UACA: variants seen among roughly 807,000 people sequenced by gnomAD.
UACA encodes nuclear membrane binding protein.
UACA carries 112 observed loss-of-function variants against 160.5 expected under a neutral mutation model. The ratio of observed to expected loss-of-function variants is 0.70; its 90% CI spans 0.60 to 0.82. The LOEUF (loss-of-function observed/expected upper bound fraction) is 0.82. Among genes scored for constraint, UACA ranks in the 40% least tolerant of loss-of-function variants. The pLI is 0.00. For missense variants in UACA, 1,574 were observed against 1,614.6 expected, an observed-to-expected ratio of 0.97 and a Z score of 0.43; for synonymous variants, 557 against 568.4, an observed-to-expected ratio of 0.98 and a Z score of 0.29.
intron 17 of UACA, chr15:70,660,564 T>TA: frequency 5.2e-6 from 1 of 193,618 alleles, no homozygotes; most frequent in Non-Finnish European, 1.0e-5. Flanking sequence ...CTATATTCCT[T>TA]ACCATGCCTC....
At chr15:70,749,533 A>G (rs941361683) in intron 1 of UACA, among the ~76,000 whole-genome samples, 1 of 151,192 alleles carries the variant, frequency 6.6e-6, no homozygotes, top group African/African-American at 2.4e-5. Flanking sequence ...TCAAAAAAAA[A>G]AAACAAAAAC....
In UACA at chr15:70,707,950, T is replaced by C. The variant is rs531001403; in HGVS notation, c.79-8290A>G. ...ATATCCAAATGAGTTGAAAGCAGGG[T>C]CTCCTAGAGATATCTGCATATCCAT... On this transcript the variant is annotated intron_variant, in intron 1 of 18. Coordinates refer to ENST00000322954, the MANE Select transcript of UACA (RefSeq NM_018003.4). Among the ~76,000 whole-genome samples the C allele has an allele frequency of 3.9e-5, 6 of 152,194 alleles. No homozygotes were observed. In the South Asian group the frequency reaches 1.2e-3, roughly 32 times the overall value.
At chr15:70,693,789 C>G (rs955464161) in intron 3 of UACA, among the ~76,000 whole-genome samples, 2 of 151,990 alleles carry the variant, frequency 1.3e-5, no homozygotes, top group East Asian at 3.9e-4. Context: ...GGGATCCACA[C>G]AATAAATAGT....
chr15:70,678,232 C>T (rs748403100), intron 10 of UACA, 26 bp from the exon 11 acceptor site: 3 of 1,551,426 alleles, frequency 1.9e-6, no homozygotes, highest in Non-Finnish European at 2.6e-6. Flanking sequence ...CAACAAGGTG[C>T]CAGGCCAATC....
At chr15:70,773,559 T>A in the UACA span, among the ~76,000 whole-genome samples, 2 of 152,208 alleles carry the variant, frequency 1.3e-5, no homozygotes, top group African/African-American at 4.8e-5. Flanking sequence ...GGGGATTTGA[T>A]CCCTCAGTTA....
At position 70,684,388 on chromosome 15, in the gene UACA, T is replaced by A; in HGVS notation, c.661A>T (p.Lys221Ter). Residue 221 changes from lysine to a stop codon, truncating the protein, a stop_gained, in exon 8 of 19, where the codon AAA becomes TAA. Transcript: ENST00000322954. LOFTEE classifies it high-confidence loss of function. ...AGCAAGCTTATATCAGCACCATTTT[T>A]AATTAAGACTTCTACTGCATCTCTG... is the stretch of plus-strand genomic sequence containing the variant. ...GCRDAVEVLI[K>*]NGADISLLDA... 1.9e-6 allele frequency: 3 copies of A among 1,613,850 alleles called. No homozygotes were observed. The highest frequency in any genetic ancestry group is 2.5e-6 in the Non-Finnish European group (3 of 1,179,822).
chr15:70,738,103 T>A lies in UACA; in HGVS notation c.78+25227A>T, dbSNP rs554012840. On this transcript the variant is annotated intron_variant, in intron 1 of 18. Transcript: ENST00000322954. ...AAAAACCAACTTTTCTATTTTATTA[T>A]TTCTTAAGTAAAAGACTATAGAAAA... Among the ~76,000 whole-genome samples the A allele has an allele frequency of 6.6e-5, 10 of 152,360 alleles. No homozygotes were observed. The South Asian group carries it at 2.1e-3, about 32-fold the overall frequency.
intron 1 of UACA, among the ~76,000 whole-genome samples, chr15:70,728,056 A>G (rs972832897): frequency 6.6e-6 from 1 of 152,204 alleles, no homozygotes; most frequent in Non-Finnish European, 1.5e-5. Flanking sequence ...AGAAGATAGA[A>G]CCCAGAAATA....
At chr15:70,666,033 G>C (rs1344513364) in intron 16 of UACA, among the ~76,000 whole-genome samples, 1 of 152,130 alleles carries the variant, frequency 6.6e-6, no homozygotes, top group Non-Finnish European at 1.5e-5. Context: ...TATAAACCCT[G>C]CTCATAAAAA....
At chr15:70,697,227 C>T (rs918398630) in intron 2 of UACA, among the ~76,000 whole-genome samples, 7 of 152,324 alleles carry the variant, frequency 4.6e-5, no homozygotes, top group African/African-American at 1.7e-4. Context: ...TAAAAAGTTA[C>T]TAGGCCAAGA....
chr15:70,713,549 G>T (rs2140981574), intron 1 of UACA, among the ~76,000 whole-genome samples: 1 of 152,308 alleles, frequency 6.6e-6, no homozygotes, highest in Middle Eastern at 3.4e-3. Flanking sequence ...ACAATCCCAG[G>T]ATGAGATAAG....
At chr15:70,686,509 T>C (rs1897727610) in intron 7 of UACA, among the ~76,000 whole-genome samples, 1 of 99,130 alleles carries the variant, frequency 1.0e-5, no homozygotes, top group Non-Finnish European at 2.3e-5. Context: ...TTTTTTTTTA[T>C]ACTTTAAGTT....
intron 1 of UACA, among the ~76,000 whole-genome samples, chr15:70,703,482 T>C (rs1331027308): frequency 1.3e-5 from 2 of 152,290 alleles, no homozygotes; most frequent in Admixed American, 6.5e-5. Context: ...TGATTGTTTT[T>C]TCCCCCAAAC....
intron 3 of UACA, among the ~76,000 whole-genome samples, chr15:70,692,069 C>G (rs954786922): frequency 6.6e-6 from 1 of 152,218 alleles, no homozygotes; most frequent in African/African-American, 2.4e-5. Context: ...TATACAAACA[C>G]CTCTTGGATG....
intron 1 of UACA, among the ~76,000 whole-genome samples, chr15:70,703,854 C>T (rs1341969847): frequency 6.6e-6 from 1 of 152,110 alleles, no homozygotes; most frequent in Non-Finnish European, 1.5e-5. Flanking sequence ...CCTTTGCTGT[C>T]CCCTGTACCT....
intron 1 of UACA, among the ~76,000 whole-genome samples, chr15:70,715,231 C>T (rs1262094376): frequency 6.6e-6 from 1 of 152,106 alleles, no homozygotes; most frequent in Non-Finnish European, 1.5e-5. Context: ...TACCAATGAA[C>T]ACAGTAATAG....
Position 70,667,067 on chromosome 15 carries a change from G to T in UACA, c.3617C>A (p.Ser1206Ter), listed in dbSNP as rs376705053. The change falls in exon 16 of 19, where the codon TCG becomes TAG. Residue 1206 changes from serine (S) to a stop codon, truncating the protein, a stop_gained. Transcript: ENST00000322954. LOFTEE classifies it high-confidence loss of function. ...TGCTTGTTTAGTATTCTGAACCTCC[G>T]ACTGAAGTTTGGAGACTTCTTCCAT... is the stretch of plus-strand genomic sequence containing the variant. The part of the protein sequence containing the change: ...NKMEEVSKLQ[S>*]EVQNTKQALK... 1.2e-6 allele frequency: 2 copies of T among 1,613,240 alleles called. No individual in the cohort carries two copies. Among genetic ancestry groups the T allele is most frequent in the South Asian group, 1.1e-5 (1 of 90,960 alleles).
intron 2 of UACA, among the ~76,000 whole-genome samples, chr15:70,695,874 A>C (rs2140959377): frequency 6.6e-6 from 1 of 152,356 alleles, no homozygotes; most frequent in South Asian, 2.1e-4. Context: ...CAAACATTAT[A>C]GAAATATTTT....
intron 1 of UACA, among the ~76,000 whole-genome samples, chr15:70,745,463 A>G (rs1248836599): frequency 6.7e-6 from 1 of 149,148 alleles, no homozygotes; most frequent in Non-Finnish European, 1.5e-5. Context: ...AAAAAAAAAG[A>G]GAGGACATAA....
Sources: allele counts gnomAD v4.1 joint callset (sites outside exome capture counted in the v4.1 genomes callset), GRCh38; gene constraint gnomAD v4.1.1; transcripts MANE v1.5; gene names NCBI Gene and HGNC (gene_info 2026-07-23, HGNC 2026-07-21).